BCL2: variants seen among roughly 807,000 people sequenced by gnomAD.
BCL2 encodes apoptosis regulator Bcl-2.
A neutral mutation model predicts 14.2 loss-of-function variants in BCL2; 1 was observed. The observed-to-expected ratio is 0.07, with a 90% CI of 0.02 to 0.33. The LOEUF is 0.33. Ranked by LOEUF, BCL2 falls within the 10% of genes least tolerant of loss-of-function variation. The pLI is 0.99. For missense variants in BCL2, 247 were observed against 305.9 expected (o/e 0.81, Z 1.44); for synonymous variants, 151 against 137.2 (o/e 1.10, Z -0.70).
At chr18:63,212,196 G>A (rs890713470) in intron 2 of BCL2, among the ~76,000 whole-genome samples, 1 of 151,100 alleles carries the variant, frequency 6.6e-6, no homozygotes, top group South Asian at 2.1e-4. Flanking sequence ...CGTGGTGGCG[G>A]GCGCCTGTAG....
chr18:63,301,301 A>G (rs1371076258), intron 2 of BCL2, among the ~76,000 whole-genome samples: 1 of 125,356 alleles, frequency 8.0e-6, no homozygotes, highest in Non-Finnish European at 2.0e-5. Context: ...AGATGTCAGT[A>G]ATGGCTTACA....
At chr18:63,240,700 C>T (rs553993648) in intron 2 of BCL2, among the ~76,000 whole-genome samples, 1 of 152,326 alleles carries the variant, frequency 6.6e-6, no homozygotes, top group Non-Finnish European at 1.5e-5. Flanking sequence ...TTGTCGGAGG[C>T]TCTCATCATC....
intron 2 of BCL2, among the ~76,000 whole-genome samples, chr18:63,298,604 A>G (rs1912865994): frequency 6.6e-6 from 1 of 152,222 alleles, no homozygotes; most frequent in Non-Finnish European, 1.5e-5. Context: ...ACAAAGGTGG[A>G]AGGAAAAATA....
chr18:63,131,639 C>G (rs1387078422), intron 2 of BCL2, among the ~76,000 whole-genome samples: 1 of 152,188 alleles, frequency 6.6e-6, no homozygotes, highest in African/African-American at 2.4e-5. Context: ...CCCCCAATAG[C>G]CCAGCCAAAA....
chr18:63,169,360 T>C (rs1263784386), intron 2 of BCL2, among the ~76,000 whole-genome samples: 12 of 62,736 alleles, frequency 1.9e-4, no homozygotes, highest in African/African-American at 9.5e-4. Flanking sequence ...TTTCTTTCTT[T>C]CTTTCTTTCT....
intron 2 of BCL2, among the ~76,000 whole-genome samples, chr18:63,269,435 T>C (rs946559661): frequency 2.6e-5 from 4 of 152,156 alleles, no homozygotes; most frequent in African/African-American, 9.7e-5. Flanking sequence ...CACCTTTCTC[T>C]GTTGAGGGAC....
At chr18:63,254,358 C>T (rs760769197) in intron 2 of BCL2, among the ~76,000 whole-genome samples, 6 of 112,176 alleles carry the variant, frequency 5.3e-5, no homozygotes, top group African/African-American at 2.1e-4. Context: ...CCAGCCTGGG[C>T]GGCATAGGGA....
At chr18:63,267,260 C>T (rs1210419954) in intron 2 of BCL2, among the ~76,000 whole-genome samples, 2 of 152,174 alleles carry the variant, frequency 1.3e-5, no homozygotes, top group East Asian at 3.9e-4. Flanking sequence ...AAAAATTTCT[C>T]TGGCAAGAGT....
rs182178550 is a variant in BCL2, at chr18:63,305,405, G to A, written c.585+12677C>T. On this transcript the variant is annotated intron_variant, in intron 2 of 2. Transcript: ENST00000333681. ...CAGCTCTTCCTGTGCTTATTGGCTC[G>A]TACACACCTTTGTTGGGCGAACTTT... is the stretch of plus-strand genomic sequence containing the variant. Among the ~76,000 whole-genome samples the A allele has an allele frequency of 3.9e-5, 6 of 152,146 alleles. No individual in the cohort carries two copies. In the East Asian group the frequency reaches 7.7e-4, roughly 20 times the overall value.
intron 2 of BCL2, among the ~76,000 whole-genome samples, chr18:63,206,205 C>T (rs573213582): frequency 8.3e-4 from 127 of 152,306 alleles, no homozygotes; most frequent in African/African-American, 2.7e-3. Flanking sequence ...CATCCTGGAC[C>T]GCACCAACAA....
Position 63,123,646 on chromosome 18 carries a change from C to G in BCL2, c.*4979G>C, listed in dbSNP as rs1441289200. 4.8e-6 allele frequency: 1 copy of G among 210,094 alleles called. No homozygotes were observed. Among genetic ancestry groups the G allele is most frequent in the African/African-American group, 2.3e-5 (1 of 43,984 alleles). The allele number at this position is 210,094 out of a possible 1,614,324, so 13.0% of individuals were successfully genotyped here. ...TCAATACAAAAACACTTATTGTACA[C>G]TTATTTTTATTTAAAACAAAAATAA... is the stretch of plus-strand genomic sequence containing the variant. On this transcript the variant is annotated 3_prime_UTR_variant, in exon 3 of 3. Coordinates refer to ENST00000333681, the MANE Select transcript of BCL2 (RefSeq NM_000633.3).
intron 2 of BCL2, among the ~76,000 whole-genome samples, chr18:63,217,295 G>A (rs1397071611): frequency 6.6e-6 from 1 of 152,210 alleles, no homozygotes; most frequent in Non-Finnish European, 1.5e-5. Context: ...GTAAGGCAAA[G>A]TACCAGCCAG....
At chr18:63,200,090 T>G (rs1337151522) in intron 2 of BCL2, among the ~76,000 whole-genome samples, 1 of 152,226 alleles carries the variant, frequency 6.6e-6, no homozygotes, top group Admixed American at 6.5e-5. Context: ...TGGGTTTACT[T>G]GCCTTCGTTC....
At chr18:63,169,403 TTTTC>T (rs1202574660) in intron 2 of BCL2, among the ~76,000 whole-genome samples, 1 of 102,506 alleles carries the variant, frequency 9.8e-6, no homozygotes, top group Non-Finnish European at 1.8e-5. Context: ...CTTTCTTTCT[TTTTC>T]TTTCTCTCTC....
intron 2 of BCL2, among the ~76,000 whole-genome samples, chr18:63,209,644 G>C (rs1909944796): frequency 6.6e-6 from 1 of 152,208 alleles, no homozygotes; most frequent in African/African-American, 2.4e-5. Context: ...ATGGAAATGG[G>C]AGACGTGTCA....
At chr18:63,316,404 CTTTGGGAA>C (rs1913497610) in intron 2 of BCL2, 1 of 152,104 alleles carries the variant, frequency 6.6e-6, no homozygotes, top group Admixed American at 6.5e-5. Context: ...TAAAAGGATC[CTTTGGGAA>C]TCTGGAAGTC....
chr18:63,281,492 CCT>C (rs1475609244), intron 2 of BCL2, among the ~76,000 whole-genome samples: 3 of 151,898 alleles, frequency 2.0e-5, no homozygotes, highest in Non-Finnish European at 4.4e-5. Context: ...CAGTGAGACC[CCT>C]GTCTCTACAA....
intron 2 of BCL2, among the ~76,000 whole-genome samples, chr18:63,203,817 T>C (rs940628093): frequency 6.6e-6 from 1 of 152,212 alleles, no homozygotes; most frequent in Non-Finnish European, 1.5e-5. Context: ...AAATGTAAAG[T>C]ATTGTTATAA....
intron 2 of BCL2, among the ~76,000 whole-genome samples, chr18:63,202,874 C>T (rs1184557226): frequency 6.6e-6 from 1 of 152,176 alleles, no homozygotes; most frequent in Non-Finnish European, 1.5e-5. Context: ...GTTGGCCTGC[C>T]CTGCTGTGTC....
Sources: allele counts gnomAD v4.1 joint callset (sites outside exome capture counted in the v4.1 genomes callset), GRCh38; gene constraint gnomAD v4.1.1; transcripts MANE v1.5; gene names NCBI Gene and HGNC (gene_info 2026-07-23, HGNC 2026-07-21).